MCOLN3: variants seen among roughly 807,000 people sequenced by gnomAD.
The protein encoded by MCOLN3 is mucolipin TRP cation channel 3.
In MCOLN3, 62 loss-of-function variants were observed where a neutral mutation model predicts 69.4. That is an observed-to-expected ratio of 0.89 (90% CI 0.73 to 1.10). The LOEUF (loss-of-function observed/expected upper bound fraction) is 1.10. Ranked by LOEUF, MCOLN3 falls within the 50% of genes least tolerant of loss-of-function variation. The pLI is 0.00. For synonymous variants in MCOLN3, 183 were observed against 217.0 expected, an observed-to-expected ratio of 0.84 and a Z score of 1.38; for missense variants, 564 against 656.4, an observed-to-expected ratio of 0.86 and a Z score of 1.54.
At chr1:85,040,584 C>T (rs1462458576) in intron 3 of MCOLN3, among the ~76,000 whole-genome samples, 1 of 152,116 alleles carries the variant, frequency 6.6e-6, no homozygotes, top group African/African-American at 2.4e-5. Context: ...AAAGGCCTTA[C>T]TTTCAAGTGA....
At chr1:85,023,944 A>G (rs1228790800) in intron 9 of MCOLN3, among the ~76,000 whole-genome samples, 2 of 152,180 alleles carry the variant, frequency 1.3e-5, no homozygotes, top group African/African-American at 2.4e-5. Flanking sequence ...ATGAGGGTAC[A>G]TAGTTGGTTA....
At chr1:85,020,877 T>G (rs768901907) in intron 12 of MCOLN3, among the ~76,000 whole-genome samples, 193 bp downstream of exon 12, 5 of 152,202 alleles carry the variant, frequency 3.3e-5, no homozygotes, top group Non-Finnish European at 5.9e-5. Flanking sequence ...TATAACTACT[T>G]AGAGACTAAG....
intron 3 of MCOLN3, among the ~76,000 whole-genome samples, chr1:85,038,212 T>G (rs1026836596): frequency 2.6e-5 from 4 of 152,034 alleles, no homozygotes; most frequent in African/African-American, 9.7e-5. Context: ...GCTTGTGAGG[T>G]AGGTGTCTGG....
chr1:85,036,190 TTTTG>T lies in MCOLN3; in HGVS notation c.397-1943_397-1940del, dbSNP rs201711909. Among the ~76,000 whole-genome samples, 1,342 of 152,256 alleles carry T rather than the reference TTTTG, an allele frequency of 8.8e-3. 24 individuals carry two copies. Among genetic ancestry groups the T allele is most frequent in the African/African-American group, 0.031 (1,286 of 41,536 alleles). On this transcript the variant is annotated intron_variant, in intron 3 of 12. Coordinates refer to ENST00000370589, the MANE Select transcript of MCOLN3 (RefSeq NM_018298.11). ...GTGCCTGATACATAATAGATACTAT[TTTTG>T]TTTGTTTTTGTTTTTGAGAGGGAGT... is the stretch of plus-strand genomic sequence containing the variant.
intron 6 of MCOLN3, among the ~76,000 whole-genome samples, chr1:85,030,803 C>G (rs1468185717): frequency 1.3e-5 from 2 of 152,042 alleles, no homozygotes; most frequent in East Asian, 3.9e-4. Context: ...AGAAATAATG[C>G]AAGCTAGAAG....
At chr1:85,040,631 G>C (rs920160173) in intron 3 of MCOLN3, among the ~76,000 whole-genome samples, 8 of 152,006 alleles carry the variant, frequency 5.3e-5, no homozygotes, top group African/African-American at 1.9e-4. Flanking sequence ...ACTATGAAAA[G>C]TTAATATTCT....
chr1:85,044,472 C>T (rs1174470122), intron 2 of MCOLN3, among the ~76,000 whole-genome samples: 26 of 152,110 alleles, frequency 1.7e-4, no homozygotes, highest in Admixed American at 1.7e-3. Flanking sequence ...GATAATTTGA[C>T]CAACAGGAAA....
At chr1:85,043,764 C>T (rs916388869) in intron 2 of MCOLN3, among the ~76,000 whole-genome samples, 2 of 151,954 alleles carry the variant, frequency 1.3e-5, no homozygotes, top group African/African-American at 4.8e-5. Context: ...GAGAACTGAA[C>T]ATCCATTTTC....
In MCOLN3 at chr1:85,018,127, T is replaced by C. The variant is rs184252260; in HGVS notation, c.*996A>G. The C allele has an allele frequency of 1.3e-5, 2 of 152,332 alleles. No individual in the cohort carries two copies. The highest frequency in any genetic ancestry group is 4.8e-5 in the African/African-American group (2 of 41,576). 9.4% of individuals were successfully genotyped at this position (152,332 alleles called of 1,614,324 possible). A position where few individuals can be genotyped will look rare whatever the true frequency, so the allele number is the denominator to read the frequency against. On this transcript the variant is annotated 3_prime_UTR_variant, in exon 13 of 13. Coordinates refer to ENST00000370589, the MANE Select transcript of MCOLN3 (RefSeq NM_018298.11). ...ATTTCATGCATGTATAAGATACTCT[T>C]TTTACTTTCTACTTTAACACTGAAG...
intron 6 of MCOLN3, among the ~76,000 whole-genome samples, chr1:85,032,278 C>A (rs971157916): frequency 6.6e-6 from 1 of 152,114 alleles, no homozygotes; most frequent in African/African-American, 2.4e-5. Flanking sequence ...ATACTACAAA[C>A]CCCAAACATG....
Position 85,034,200 on chromosome 1 carries a change from C to T in MCOLN3, c.448G>A (p.Gly150Ser). ...SVGNHAYENK[G>S]TKQSAMAICQ... The stretch of plus-strand genomic sequence containing the variant: ...ATTGCCATAGCAGATTGCTTGGTAC[C>T]TTTGTTCTCATAAGCATGATTCCCA... The change falls in exon 4 of 13, where the codon GGT (glycine) becomes AGT (serine). Residue 150 changes from glycine to serine, a missense_variant. By Grantham distance (56) the Gly-to-Ser change is moderately conservative (BLOSUM62 0). Transcript: ENST00000370589. The T allele has an allele frequency of 6.2e-7, 1 of 1,614,136 alleles. No individual in the cohort carries two copies. The highest frequency in any genetic ancestry group is 8.5e-7 in the Non-Finnish European group (1 of 1,180,008).
At chr1:85,026,307 AG>A in intron 7 of MCOLN3, 23 bp from the exon 8 acceptor site, 1 of 1,485,240 alleles carries the variant, frequency 6.7e-7, no homozygotes, top group Non-Finnish European at 9.4e-7. Context: ...AGGATTACAT[AG>A]TGCTTATGTA....
At chr1:85,048,095 C>A (rs1461299819) in intron 1 of MCOLN3, among the ~76,000 whole-genome samples, 1 of 152,244 alleles carries the variant, frequency 6.6e-6, no homozygotes, top group Non-Finnish European at 1.5e-5. Context: ...GCCCTGGCCA[C>A]AGGTGGGCGG....
rs773493958 is a variant in MCOLN3, at chr1:85,021,054, C to A, written c.1527+16G>T. ...TATAGGACAATGCTACTACTTATGG[C>A]TCTTGATAAACCTACCTTAATTGTT... On this transcript the variant is annotated intron_variant, in intron 12 of 12. Coordinates refer to ENST00000370589, the MANE Select transcript of MCOLN3 (RefSeq NM_018298.11). The A allele has an allele frequency of 1.3e-6, 2 of 1,585,298 alleles. No homozygotes were observed. Among genetic ancestry groups the A allele is most frequent in the Non-Finnish European group, 1.7e-6 (2 of 1,159,542 alleles).
intron 7 of MCOLN3, among the ~76,000 whole-genome samples, chr1:85,026,896 T>C (rs1219829739): frequency 6.6e-6 from 1 of 151,384 alleles, no homozygotes; most frequent in African/African-American, 2.4e-5. Context: ...GCTGGAACTA[T>C]AGGTATGCCA....
At chr1:85,045,055 T>TTA in intron 2 of MCOLN3, 78 bp downstream of exon 2, 1 of 1,023,380 alleles carries the variant, frequency 9.8e-7, no homozygotes, top group Non-Finnish European at 1.4e-6. Context: ...AAAAGTTATT[T>TTA]AAAAAAAAAA....
chr1:85,021,034 G>GACAATGCTACTACTT, intron 12 of MCOLN3, 36 bp downstream of exon 12: 1 of 1,482,068 alleles, frequency 6.7e-7, no homozygotes, highest in South Asian at 1.2e-5. Context: ...CAAGTTATAG[G>GACAATGCTACTACTT]ACAATGCTAC....
At chr1:85,032,649 C>G in intron 6 of MCOLN3, 47 bp downstream of exon 6, 1 of 1,399,128 alleles carries the variant, frequency 7.1e-7, no homozygotes, top group Non-Finnish European at 1.0e-6. Context: ...CCAGATAAAA[C>G]AATTTTTCTC....
intron 3 of MCOLN3, among the ~76,000 whole-genome samples, chr1:85,037,935 T>G (rs975264736): frequency 1.3e-5 from 2 of 152,152 alleles, no homozygotes; most frequent in African/African-American, 4.8e-5. Flanking sequence ...AGGTCAGCCT[T>G]TGAGTGGTAA....
Sources: allele counts gnomAD v4.1 joint callset (sites outside exome capture counted in the v4.1 genomes callset), GRCh38; gene constraint gnomAD v4.1.1; transcripts MANE v1.5; gene names NCBI Gene and HGNC (gene_info 2026-07-23, HGNC 2026-07-21).